The following PKHD1L1 variants were observed in gnomAD, a reference collection of about 807,000 sequenced individuals.
PKHD1L1 encodes fibrocystin-L.
In PKHD1L1, 434 loss-of-function variants were observed where a neutral mutation model predicts 462.9. The observed-to-expected ratio is 0.94, with a 90% CI of 0.87 to 1.02. The LOEUF is 1.02. Ranked by LOEUF, PKHD1L1 falls within the 50% of genes least tolerant of loss-of-function variation. PKHD1L1 has a pLI of 0.00. For synonymous variants in PKHD1L1, 1,781 were observed against 1,750.0 expected, an observed-to-expected ratio of 1.02 and a Z score of -0.44; for missense variants, 5,202 against 5,096.1, an observed-to-expected ratio of 1.02 and a Z score of -0.63.
intron 77 of PKHD1L1, among the ~76,000 whole-genome samples, 168 bp downstream of exon 77, chr8:109,527,188 A>G (rs2131047936): frequency 6.6e-6 from 1 of 152,288 alleles, no homozygotes; most frequent in East Asian, 1.9e-4. Context: ...GTTATTCACT[A>G]CATGTTGGTC....
In PKHD1L1 at chr8:109,398,429, G is replaced by A. The variant is rs773770733; in HGVS notation, c.923-30G>A. 6.8e-6 allele frequency: 9 copies of A among 1,322,230 alleles called. No homozygotes were observed. In the East Asian group the frequency reaches 2.0e-4, roughly 29 times the overall value. The allele number at this position is 1,322,230 out of a possible 1,614,324, so 81.9% of individuals were successfully genotyped here. ...TGATTTGCATTCTGAAGTTTCAGTA[G>A]TAACGGTTTTGTATCTTGCTTCTCT... is the stretch of plus-strand genomic sequence containing the variant. On this transcript the variant is annotated intron_variant, in intron 11 of 77. Transcript: ENST00000378402.
At chr8:109,493,785 G>A in intron 63 of PKHD1L1, 34 bp downstream of exon 63, 1 of 1,384,876 alleles carries the variant, frequency 7.2e-7, no homozygotes. Context: ...GCTAAAACTA[G>A]GAAATAACTT....
chr8:109,404,378 T>C (rs1278070917), intron 14 of PKHD1L1, among the ~76,000 whole-genome samples, 176 bp from the exon 15 acceptor site: 1 of 152,168 alleles, frequency 6.6e-6, no homozygotes, highest in Non-Finnish European at 1.5e-5. Flanking sequence ...ATTCATTTTA[T>C]TTTGGCAAAA....
At chr8:109,526,457 C>T (rs545692505) in intron 76 of PKHD1L1, among the ~76,000 whole-genome samples, 9 of 152,188 alleles carry the variant, frequency 5.9e-5, no homozygotes, top group Non-Finnish European at 1.0e-4. Flanking sequence ...AGCACCCTCA[C>T]CTCTCTTCCC....
At chr8:109,383,423 TA>T (rs1358289153) in intron 4 of PKHD1L1, among the ~76,000 whole-genome samples, 22 of 121,370 alleles carry the variant, frequency 1.8e-4, no homozygotes, top group Admixed American at 5.5e-4. Context: ...ATATTATATA[TA>T]ATATATAATA....
intron 6 of PKHD1L1, among the ~76,000 whole-genome samples, chr8:109,386,110 T>A (rs1040045147): frequency 1.3e-5 from 2 of 152,180 alleles, no homozygotes; most frequent in African/African-American, 2.4e-5. Context: ...CCAAACATTG[T>A]CAATAACTCA....
Position 109,522,812 on chromosome 8 carries a change from A to C in PKHD1L1, c.12252A>C (p.Leu4084Phe). 1.2e-6 allele frequency: 2 copies of C among 1,612,452 alleles called. No homozygotes were observed. Among genetic ancestry groups the C allele is most frequent in the Non-Finnish European group, 1.7e-6 (2 of 1,179,432 alleles). The part of the protein sequence containing the change: ...VHHVAFVSSL[L>F]VITQPVAAQP... ...ACGTGGCCTTCGTGTCCTCACTCTT[A>C]GTGATCACTCAGCCGGTGGCAGCAC... Residue 4084 changes from leucine (L) to phenylalanine (F), a missense_variant, in exon 75 of 78, where the codon TTA becomes TTC. Transcript: ENST00000378402.
At chr8:109,444,524 C>A (rs1180935323) in intron 37 of PKHD1L1, 137 bp from the exon 38 acceptor site, 2 of 811,406 alleles carry the variant, frequency 2.5e-6, no homozygotes, top group Non-Finnish European at 1.9e-6. Context: ...CAGCCCCTCC[C>A]AAATTAAATT....
intron 4 of PKHD1L1, among the ~76,000 whole-genome samples, chr8:109,383,619 A>G (rs1229370747): frequency 2.6e-5 from 4 of 150,964 alleles, no homozygotes; most frequent in Non-Finnish European, 5.9e-5. Context: ...AGAAGCTTCT[A>G]TGATTCCAAA....
At position 109,427,750 on chromosome 8, in the gene PKHD1L1, G is replaced by T. The variant is rs187286798; in HGVS notation, c.3000+594G>T. Among the ~76,000 whole-genome samples the T allele has an allele frequency of 2.8e-4, 42 of 152,090 alleles. No individual in the cohort carries two copies. In the East Asian group the frequency reaches 6.0e-3, roughly 22 times the overall value. On this transcript the variant is annotated intron_variant, in intron 25 of 77. Coordinates refer to ENST00000378402, the MANE Select transcript of PKHD1L1 (RefSeq NM_177531.6). ...TTAAAAAGATGATGCTTTCAGCCAG[G>T]CACAGTGGCTCATGCCTGTAATCCC...
At chr8:109,450,893 G>A (rs1417904949) in intron 40 of PKHD1L1, 82 bp from the exon 41 acceptor site, 13 of 1,315,728 alleles carry the variant, frequency 9.9e-6, no homozygotes, top group Admixed American at 6.6e-5. Context: ...AAAGGAAGAT[G>A]TTATTGAAAA....
chr8:109,412,208 G>T (rs1033286772), intron 19 of PKHD1L1, 57 bp from the exon 20 acceptor site: 47 of 1,584,886 alleles, frequency 3.0e-5, no homozygotes, highest in Non-Finnish European at 3.9e-5. Context: ...TGCACACGTT[G>T]GGGGAAAACC....
At chr8:109,377,179 A>T (rs1811881052) in intron 2 of PKHD1L1, among the ~76,000 whole-genome samples, 1 of 152,196 alleles carries the variant, frequency 6.6e-6, no homozygotes, top group Admixed American at 6.5e-5. Flanking sequence ...TGTAGTAATG[A>T]TTGCTTTGTT....
rs1213593420 is a variant in PKHD1L1, at chr8:109,452,772, G to C, written c.6562G>C (p.Gly2188Arg). The change falls in exon 43 of 78, where the codon GGA (glycine) becomes CGA (arginine). Residue 2188 changes from glycine (G) to arginine (R), a missense_variant. By Grantham distance (125) the Gly-to-Arg change is moderately radical (BLOSUM62 -2). This residue lies in a region of PKHD1L1 where 4,497 missense variants were observed against 4,336.8 expected (regional missense o/e 1.04). Transcript: ENST00000378402. ...CTGGTCCTCCAATTTCTCATGGGGG[G>C]GAAAATCTCCCCCAGAAGAAGGATC... Reference protein sequence around the residue: ...DAWSSNFSWGGKSPPEEGSLV... With the variant: ...DAWSSNFSWGRKSPPEEGSLV... The C allele has an allele frequency of 1.3e-6, 2 of 1,535,186 alleles. No individual in the cohort carries two copies. The highest frequency in any genetic ancestry group is 1.7e-4 in the Middle Eastern group (1 of 5,950).
Position 109,362,556 on chromosome 8 carries a change from C to T in PKHD1L1, c.-25C>T. ...TAGAGCCAGCTGCGAGCGGAGGGCA[C>T]CAACTCCGCAGAACTGGCTTTTCAA... On this transcript the variant is annotated 5_prime_UTR_variant, in exon 1 of 78. Transcript: ENST00000378402. 6.3e-7 allele frequency: 1 copy of T among 1,589,420 alleles called. No homozygotes were observed. Among genetic ancestry groups the T allele is most frequent in the East Asian group, 2.3e-5 (1 of 43,890 alleles).
At chr8:109,497,705 C>T (rs942283598) in intron 65 of PKHD1L1, among the ~76,000 whole-genome samples, 1 of 152,116 alleles carries the variant, frequency 6.6e-6, no homozygotes, top group Non-Finnish European at 1.5e-5. Context: ...GGATTACAGG[C>T]GTGAGCCACC....
At chr8:109,438,755 T>C in intron 31 of PKHD1L1, 142 bp from the exon 32 acceptor site, 3 of 722,098 alleles carry the variant, frequency 4.2e-6, no homozygotes, top group Middle Eastern at 8.1e-4. Context: ...TCTTTCATTG[T>C]TTTTCCTTTT....
At position 109,524,650 on chromosome 8, in the gene PKHD1L1, C is replaced by A. The variant is rs572820169; in HGVS notation, c.12484+1264C>A. On this transcript the variant is annotated intron_variant, in intron 76 of 77. Coordinates refer to ENST00000378402, the MANE Select transcript of PKHD1L1 (RefSeq NM_177531.6). The stretch of plus-strand genomic sequence containing the variant: ...AGGTTTTGGCATTTTACTGTGGCAA[C>A]AAAATAATAATTTAAGCATTTTTCT... Among the ~76,000 whole-genome samples the A allele has an allele frequency of 3.7e-4, 56 of 152,264 alleles. 1 individual carries two copies.
chr8:109,420,452 A>T, intron 22 of PKHD1L1, 66 bp from the exon 23 acceptor site: 1 of 1,056,330 alleles, frequency 9.5e-7, no homozygotes, highest in Non-Finnish European at 1.3e-6. Context: ...CTATTAGGTT[A>T]ATTTTACATG....
Sources: gnomAD v4.1 joint callset for allele counts (sites outside exome capture counted in the v4.1 genomes callset) on GRCh38, gnomAD v4.1.1 for gene constraint, gnomAD v4.1.1 regional missense constraint, MANE v1.5 for transcripts, NCBI Gene and HGNC (gene_info 2026-07-23, HGNC 2026-07-21) for gene names.